STX7: variants seen among roughly 807,000 people sequenced by gnomAD.
STX7 encodes the protein syntaxin-7.
STX7 carries 34 observed loss-of-function variants against 39.6 expected under a neutral mutation model. That is an observed-to-expected ratio of 0.86 (90% CI 0.65 to 1.14). STX7 has a LOEUF of 1.14. STX7 is among the 50% of genes most tolerant of loss of function. The pLI is 0.00. For synonymous variants in STX7, 119 were observed against 99.1 expected (o/e 1.20, Z -1.19); for missense variants, 284 against 310.4 (o/e 0.92, Z 0.64).
At chr6:132,485,530 ATAGAAG>A (rs1179474853) in intron 2 of STX7, among the ~76,000 whole-genome samples, 3 of 152,340 alleles carry the variant, frequency 2.0e-5, no homozygotes, top group African/African-American at 4.8e-5. Flanking sequence ...GTGTGGATAA[ATAGAAG>A]TAGAACGGCT....
chr6:132,500,850 T>C (rs9483472), intron 2 of STX7, among the ~76,000 whole-genome samples: 30,276 of 152,116 alleles, frequency 0.2, 3,424 homozygotes, highest in East Asian at 0.53. Flanking sequence ...AGGAATCTCA[T>C]TCCTCCTGAG....
At chr6:132,502,008 T>C (rs1775573827) in intron 2 of STX7, among the ~76,000 whole-genome samples, 1 of 152,186 alleles carries the variant, frequency 6.6e-6, no homozygotes, top group Admixed American at 6.5e-5. Flanking sequence ...GTACCATTCC[T>C]ACAGTCCCTG....
intron 2 of STX7, among the ~76,000 whole-genome samples, chr6:132,497,623 T>C (rs1375230331): frequency 6.6e-6 from 1 of 152,226 alleles, no homozygotes; most frequent in Non-Finnish European, 1.5e-5. Flanking sequence ...CTGCTGCTTT[T>C]AAAAACATGA....
intron 2 of STX7, among the ~76,000 whole-genome samples, chr6:132,486,735 C>A (rs938110015): frequency 6.7e-6 from 1 of 149,060 alleles, no homozygotes; most frequent in Non-Finnish European, 1.5e-5. Flanking sequence ...GGCGTGACCT[C>A]AGCTTACTGG....
At chr6:132,476,883 T>C (rs1245745314) in intron 2 of STX7, among the ~76,000 whole-genome samples, 1 of 152,102 alleles carries the variant, frequency 6.6e-6, no homozygotes, top group Non-Finnish European at 1.5e-5. Flanking sequence ...AAATAAAACG[T>C]CAAGTAGAAA....
intron 8 of STX7, among the ~76,000 whole-genome samples, chr6:132,465,285 C>T (rs1314415661): frequency 6.6e-6 from 1 of 152,054 alleles, no homozygotes; most frequent in African/African-American, 2.4e-5. Flanking sequence ...CTTTGATCAC[C>T]ACCTTCTATC....
At chr6:132,510,707 G>T (rs1482952544) in intron 1 of STX7, among the ~76,000 whole-genome samples, 1 of 152,166 alleles carries the variant, frequency 6.6e-6, no homozygotes, top group Non-Finnish European at 1.5e-5. Flanking sequence ...CTATTGCACA[G>T]TGCTAATCTC....
intron 1 of STX7, among the ~76,000 whole-genome samples, chr6:132,511,801 C>T (rs1180337067): frequency 6.6e-6 from 1 of 152,158 alleles, no homozygotes; most frequent in East Asian, 1.9e-4. Context: ...AAACTTCACT[C>T]AGACTTACTG....
intron 7 of STX7, 66 bp from the exon 8 acceptor site, chr6:132,468,541 T>A: frequency 7.7e-7 from 1 of 1,300,426 alleles, no homozygotes; most frequent in East Asian, 2.4e-5. Context: ...AGAGGAAAAA[T>A]TTTAAAAACC....
rs1774380351 is a variant in STX7, at chr6:132,460,932, T to C, written c.694-82A>G. ...TACCTCTACAGCAACTAAAAATAAT[T>C]TGGTTCATTTCTAGAGTAAAATCAG... On this transcript the variant is annotated intron_variant, in intron 9 of 9. Coordinates refer to ENST00000367941, the MANE Select transcript of STX7 (RefSeq NM_003569.3). The C allele has an allele frequency of 4.8e-6, 6 of 1,243,314 alleles. No homozygotes were observed. In the South Asian group the frequency reaches 8.1e-5, roughly 17 times the overall value. The allele number at this position is 1,243,314 out of a possible 1,614,324, so 77.0% of individuals were successfully genotyped here.
At chr6:132,489,200 T>TAAAAAAAA (rs745673648) in intron 2 of STX7, among the ~76,000 whole-genome samples, 48 of 83,160 alleles carry the variant, frequency 5.8e-4, no homozygotes, top group African/African-American at 2.7e-3. Context: ...GACTCTGTCT[T>TAAAAAAAA]AAAAAAAAAA....
At chr6:132,491,652 A>T (rs1320265826) in intron 2 of STX7, among the ~76,000 whole-genome samples, 1 of 152,040 alleles carries the variant, frequency 6.6e-6, no homozygotes, top group East Asian at 1.9e-4. Flanking sequence ...TTCTTTGCAC[A>T]CGTCTCCTAC....
rs1182212486 is a variant in STX7, at chr6:132,458,524, TTGA to T, written c.*2231_*2233del. 6.6e-6 allele frequency: 1 copy of T among 152,228 alleles called. No individual in the cohort carries two copies. Among genetic ancestry groups the T allele is most frequent in the Non-Finnish European group, 1.5e-5 (1 of 68,048 alleles). The allele number at this position is 152,228 out of a possible 1,614,324, so 9.4% of individuals were successfully genotyped here. On this transcript the variant is annotated 3_prime_UTR_variant, in exon 10 of 10. Transcript: ENST00000367941. ...CACACAAAAACAAATGTATAGTCAC[TTGA>T]TGAGGAAATTCTTCACTTTGACTCA...
intron 3 of STX7, among the ~76,000 whole-genome samples, chr6:132,473,515 G>GT (rs1562325728): frequency 2.0e-5 from 2 of 100,190 alleles, no homozygotes; most frequent in East Asian, 5.1e-4. Context: ...TTTTATTATT[G>GT]TGTTGTTTTT....
intron 2 of STX7, among the ~76,000 whole-genome samples, chr6:132,500,973 C>T (rs984103440): frequency 2.0e-5 from 3 of 152,114 alleles, no homozygotes; most frequent in Non-Finnish European, 2.9e-5. Context: ...TATGTTCATG[C>T]AGGACATATG....
intron 2 of STX7, among the ~76,000 whole-genome samples, chr6:132,479,025 G>T (rs1774947913): frequency 6.6e-6 from 1 of 152,170 alleles, no homozygotes; most frequent in South Asian, 2.1e-4. Context: ...ACTCTTAGAT[G>T]CCTGCAAAGC....
chr6:132,446,191 G>C lies in STX7; in HGVS notation c.*14567C>G, dbSNP rs895656816. 5 of 152,112 alleles carry C rather than the reference G, an allele frequency of 3.3e-5. No homozygotes were observed. The highest frequency in any genetic ancestry group is 1.2e-4 in the African/African-American group (5 of 41,420). 9.4% of individuals were successfully genotyped at this position (152,112 alleles called of 1,614,324 possible). On this transcript the variant is annotated 3_prime_UTR_variant, in exon 10 of 10. Coordinates refer to ENST00000367941, the MANE Select transcript of STX7 (RefSeq NM_003569.3). ...CTCAATAGCAACACTGTTCATCCAT[G>C]GTTCAATTCAGATTGTAATTTCTTT...
chr6:132,451,662 T>C lies in STX7; in HGVS notation c.*9096A>G, dbSNP rs1429642321. 6.6e-6 allele frequency: 1 copy of C among 152,144 alleles called. No homozygotes were observed. Among genetic ancestry groups the C allele is most frequent in the Non-Finnish European group, 1.5e-5 (1 of 68,026 alleles). 9.4% of individuals were successfully genotyped at this position (152,144 alleles called of 1,614,324 possible). On this transcript the variant is annotated 3_prime_UTR_variant, in exon 10 of 10. Transcript: ENST00000367941. Reference sequence around the variant, plus strand: ...AAAAAATACAACCAAAAACTCTACATATAAATCTGAGAGCTTAGATGAAAT... The same window carrying C: ...AAAAAATACAACCAAAAACTCTACACATAAATCTGAGAGCTTAGATGAAAT...
chr6:132,488,715 C>T (rs894874346), intron 2 of STX7, among the ~76,000 whole-genome samples: 6 of 151,686 alleles, frequency 4.0e-5, no homozygotes, highest in African/African-American at 7.3e-5. Flanking sequence ...AGTTATAGCC[C>T]GTAATTGGGA....
Sources: allele counts gnomAD v4.1 joint callset (sites outside exome capture counted in the v4.1 genomes callset), GRCh38; gene constraint gnomAD v4.1.1; transcripts MANE v1.5; gene names NCBI Gene and HGNC (gene_info 2026-07-23, HGNC 2026-07-21).